The following PCDHGA7 variants were observed in gnomAD, a reference collection of about 807,000 sequenced individuals.
PCDHGA7 encodes the protein protocadherin gamma subfamily A, 7.
A neutral mutation model predicts 58.3 loss-of-function variants in PCDHGA7; 44 were observed. That is an observed-to-expected ratio of 0.75 (90% confidence interval 0.59 to 0.97). The LOEUF (loss-of-function observed/expected upper bound fraction) is 0.97. Among genes scored for constraint, PCDHGA7 ranks in the 50% least tolerant of loss-of-function variants. The pLI, the probability that PCDHGA7 is intolerant of heterozygous loss-of-function variation, is 0.00. For synonymous variants in PCDHGA7, 516 were observed against 504.2 expected, an observed-to-expected ratio of 1.02 and a Z score of -0.31; for missense variants, 1,266 against 1,188.7, an observed-to-expected ratio of 1.06 and a Z score of -0.96.
At position 141,390,470 on chromosome 5, in the gene PCDHGA7, G is replaced by A; in HGVS notation, c.2424+5147G>A. On this transcript the variant is annotated intron_variant, in intron 1 of 3. Transcript: ENST00000518325. ...AGGAGTAAAGTAGGAGCAATTGTGTGGCCCAACATTTGTTTGTTTTTTAGC... is the reference window on the plus strand; with the variant it reads ...AGGAGTAAAGTAGGAGCAATTGTGTAGCCCAACATTTGTTTGTTTTTTAGC... 4.3e-6 allele frequency: 3 copies of A among 699,244 alleles called. No individual in the cohort carries two copies. In the South Asian group the frequency reaches 6.0e-5, roughly 14 times the overall value. The allele number at this position is 699,244 out of a possible 1,614,324, so 43.3% of individuals were successfully genotyped here.
intron 1 of PCDHGA7, among the ~76,000 whole-genome samples, chr5:141,437,716 C>T (rs575174227): frequency 1.2e-4 from 18 of 151,782 alleles, no homozygotes; most frequent in Admixed American, 1.0e-3. Flanking sequence ...CACAGTTACC[C>T]TCTAATGTTA....
Position 141,478,407 on chromosome 5 carries a change from C to T in PCDHGA7, c.2425-16400C>T. On this transcript the variant is annotated intron_variant, in intron 1 of 3. Coordinates refer to ENST00000518325, the MANE Select transcript of PCDHGA7 (RefSeq NM_018920.4). The stretch of plus-strand genomic sequence containing the variant: ...CTTTACCATCAGGTGTATCTCACCA[C>T]GGACTCCCGCCGCAGCGACCCGCTG... 1.9e-6 allele frequency: 3 copies of T among 1,613,272 alleles called. No individual in the cohort carries two copies. The highest frequency in any genetic ancestry group is 1.3e-5 in the African/African-American group (1 of 75,072).
chr5:141,409,736 G>A (rs1053484390), intron 1 of PCDHGA7: 3 of 1,613,110 alleles, frequency 1.9e-6, no homozygotes, highest in Non-Finnish European at 2.5e-6. Flanking sequence ...CGCGCAGAGC[G>A]GGGTGGTGTT....
rs748873655 is a variant in PCDHGA7 at position 141,410,002 on chromosome 5, C to A, written c.2424+24679C>A. The A allele has an allele frequency of 1.1e-5, 18 of 1,613,250 alleles. No individual in the cohort carries two copies. Among genetic ancestry groups the A allele is most frequent in the Middle Eastern group, 1.7e-4 (1 of 6,056 alleles). On this transcript the variant is annotated intron_variant, in intron 1 of 3. Coordinates refer to ENST00000518325, the MANE Select transcript of PCDHGA7 (RefSeq NM_018920.4). ...TAGCGGTGGACGCCGACTCGGGACA[C>A]AACGCCTGGCTGTCCTACCACGTGC...
At chr5:141,387,821 A>C (rs2091106896) in intron 1 of PCDHGA7, 3 of 1,577,920 alleles carry the variant, frequency 1.9e-6, no homozygotes, top group Non-Finnish European at 2.6e-6. Context: ...AAAATCTGCA[A>C]TACAGAGGTT....
chr5:141,486,730 T>G lies in PCDHGA7; in HGVS notation c.2425-8077T>G, dbSNP rs775081505. On this transcript the variant is annotated intron_variant, in intron 1 of 3. Coordinates refer to ENST00000518325, the MANE Select transcript of PCDHGA7 (RefSeq NM_018920.4). This position sits in a 1 kb window ranked among gnomAD's most constrained non-coding sequence, Gnocchi z 5.0. ...ACCCCCAGACAGGAGCTGTTCATGC[T>G]ACTCGATCCTTTGACTATGAGCAAA... is the stretch of plus-strand genomic sequence containing the variant. 6.2e-7 allele frequency: 1 copy of G among 1,614,238 alleles called. No individual in the cohort carries two copies. The highest frequency in any genetic ancestry group is 8.5e-7 in the Non-Finnish European group (1 of 1,180,042).
In PCDHGA7 at chr5:141,510,992, T is replaced by C. The variant is rs879030278; in HGVS notation, c.2618T>C (p.Met873Thr). The change falls in exon 4 of 4, where the codon ATG (methionine) becomes ACG (threonine). Residue 873 changes from methionine to threonine, a missense_variant. By Grantham distance (81) the Met-to-Thr change is moderately conservative. Coordinates refer to ENST00000518325, the MANE Select transcript of PCDHGA7 (RefSeq NM_018920.4). ...SSTLGGGAGT[M>T]GLSARYGPQF... is the part of the protein sequence containing the mutation. ...ACCCTGGGAGGGGGTGCCGGCACCA[T>C]GGGATTGAGCGCCCGCTACGGACCC... The C allele has an allele frequency of 1.9e-6, 3 of 1,614,164 alleles. No individual in the cohort carries two copies. The highest frequency in any genetic ancestry group is 2.5e-6 in the Non-Finnish European group (3 of 1,180,006).
intron 1 of PCDHGA7, chr5:141,391,586 AAT>A (rs1412247634): frequency 6.6e-6 from 1 of 152,234 alleles, no homozygotes; most frequent in Non-Finnish European, 1.5e-5. Flanking sequence ...TTCACAGGAA[AAT>A]ATAAAGTTTT....
At chr5:141,400,112 A>G in intron 1 of PCDHGA7, 1 of 1,614,034 alleles carries the variant, frequency 6.2e-7, no homozygotes. Context: ...GTCTTTGCTG[A>G]CAGCTTGCAG....
intron 1 of PCDHGA7, among the ~76,000 whole-genome samples, chr5:141,459,838 A>C (rs944807247): frequency 1.3e-5 from 2 of 152,098 alleles, no homozygotes; most frequent in African/African-American, 4.8e-5. Context: ...TGTGTTGTCT[A>C]TTTGTATATC....
chr5:141,485,359 C>T lies in PCDHGA7; in HGVS notation c.2425-9448C>T. ...TGGATACGGACAGTCTGTCAGCTCG[C>T]AGGCTGCAGGTCGCTGGAGAGGTGA... is the stretch of plus-strand genomic sequence containing the variant. On this transcript the variant is annotated intron_variant, in intron 1 of 3. Transcript: ENST00000518325. The surrounding 1 kb of genome is among the most constrained non-coding windows in gnomAD (Gnocchi z 5.7). 6.2e-7 allele frequency: 1 copy of T among 1,614,144 alleles called. No homozygotes were observed. The highest frequency in any genetic ancestry group is 8.5e-7 in the Non-Finnish European group (1 of 1,180,010).
intron 1 of PCDHGA7, chr5:141,417,644 A>G (rs2096142506): frequency 3.9e-6 from 3 of 779,086 alleles, no homozygotes; most frequent in Non-Finnish European, 5.8e-6. Context: ...GGGATCCCTC[A>G]GCCTCTAGCC....
chr5:141,467,781 C>G (rs2099151581), intron 1 of PCDHGA7, among the ~76,000 whole-genome samples: 1 of 152,228 alleles, frequency 6.6e-6, no homozygotes, highest in East Asian at 1.9e-4. Context: ...ACCTCAGCCT[C>G]TCAAGTAGCT....
chr5:141,431,554 C>A lies in PCDHGA7; in HGVS notation c.2424+46231C>A, dbSNP rs766242338. On this transcript the variant is annotated intron_variant, in intron 1 of 3. Coordinates refer to ENST00000518325, the MANE Select transcript of PCDHGA7 (RefSeq NM_018920.4). The surrounding 1 kb of genome is among the most constrained non-coding windows in gnomAD (Gnocchi z 4.8). ...TGGGCACGCAGCTGCTTGTAGTCAA[C>A]GCTACCGACCCTGACGAAGGAGTCA... 1.2e-6 allele frequency: 2 copies of A among 1,614,008 alleles called. No individual in the cohort carries two copies. Among genetic ancestry groups the A allele is most frequent in the African/African-American group, 1.3e-5 (1 of 74,942 alleles).
chr5:141,487,022 A>T lies in PCDHGA7; in HGVS notation c.2425-7785A>T. ...TCAGCTCCTGGAGGCCCCAGATCCC[A>T]GCCTGTTTGCAGTCTCTCGATATGC... On this transcript the variant is annotated intron_variant, in intron 1 of 3. Coordinates refer to ENST00000518325, the MANE Select transcript of PCDHGA7 (RefSeq NM_018920.4). The surrounding 1 kb of genome is among the most constrained non-coding windows in gnomAD (Gnocchi z 5.0). The T allele has an allele frequency of 1.2e-6, 2 of 1,614,212 alleles. No homozygotes were observed. Among genetic ancestry groups the T allele is most frequent in the Non-Finnish European group, 1.7e-6 (2 of 1,180,048 alleles).
rs749433529 is a variant in PCDHGA7 at position 141,383,435 on chromosome 5, C to T, written c.536C>T (p.Ser179Phe). ...CAGCTCAGCCCCAATCGCCACTTCT[C>T]CCTGGCTGTGCAAAGTGGAGACGAT... ...SYQLSPNRHF[S>F]LAVQSGDDET... The change falls in exon 1 of 4, where the codon TCC becomes TTC. Residue 179 changes from serine (S) to phenylalanine (F), a missense_variant. Ser to Phe is a radical substitution (Grantham distance 155). Coordinates refer to ENST00000518325, the MANE Select transcript of PCDHGA7 (RefSeq NM_018920.4). 1 of 1,613,988 alleles carries T rather than the reference C, an allele frequency of 6.2e-7. No individual in the cohort carries two copies. Among genetic ancestry groups the T allele is most frequent in the Non-Finnish European group, 8.5e-7 (1 of 1,179,902 alleles).
At chr5:141,503,916 C>T (rs1372491893) in intron 2 of PCDHGA7, among the ~76,000 whole-genome samples, 1 of 152,246 alleles carries the variant, frequency 6.6e-6, no homozygotes, top group African/African-American at 2.4e-5. Context: ...CAACGCAACA[C>T]ACACACAGAC....
intron 1 of PCDHGA7, chr5:141,408,164 A>G (rs2095051548): frequency 6.6e-7 from 1 of 1,520,576 alleles, no homozygotes; most frequent in South Asian, 1.3e-5. Context: ...ACTTTCTCCA[A>G]CTGGAAAAGC....
chr5:141,383,787 G>T lies in PCDHGA7; in HGVS notation c.888G>T (p.Ser296=). ...PKLPKMFHLN[S]LTGEISTLEG... ...TTCCAAAGATGTTTCATCTGAACTC[G>T]CTTACAGGAGAAATATCAACTTTAG... Residue 296 remains serine, a synonymous_variant, in exon 1 of 4, where the codon TCG becomes TCT. Coordinates refer to ENST00000518325, the MANE Select transcript of PCDHGA7 (RefSeq NM_018920.4). 6.2e-7 allele frequency: 1 copy of T among 1,613,950 alleles called. No individual in the cohort carries two copies. Among genetic ancestry groups the T allele is most frequent in the East Asian group, 2.2e-5 (1 of 44,890 alleles).
Sources: allele counts gnomAD v4.1 joint callset (sites outside exome capture counted in the v4.1 genomes callset), GRCh38; gene constraint gnomAD v4.1.1; non-coding constraint Gnocchi (gnomAD v3.1); transcripts MANE v1.5; gene names NCBI Gene and HGNC (gene_info 2026-07-23, HGNC 2026-07-21).